The following SLC9A9 variants were observed in gnomAD, a reference collection of about 807,000 sequenced individuals.
SLC9A9 encodes the protein sodium/hydrogen exchanger 9.
A neutral mutation model predicts 77.8 loss-of-function variants in SLC9A9; 62 were observed. The observed-to-expected ratio is 0.80, with a 90% confidence interval of 0.65 to 0.98. SLC9A9 has a LOEUF of 0.98. SLC9A9 is among the 50% of genes least tolerant of loss of function. The probability of loss-of-function intolerance (pLI) is 0.00; values close to 1 mark genes in which losing one functional copy is unlikely to be tolerated. For missense variants in SLC9A9, 775 were observed against 774.9 expected, an observed-to-expected ratio of 1.00 and a Z score of 0.00; for synonymous variants, 320 against 283.5, an observed-to-expected ratio of 1.13 and a Z score of -1.29.
chr3:143,413,540 A>G (rs1445529464), intron 12 of SLC9A9, among the ~76,000 whole-genome samples: 1 of 152,208 alleles, frequency 6.6e-6, no homozygotes, highest in South Asian at 2.1e-4. Flanking sequence ...AAGGGGAGGC[A>G]GCTGGCGGAA....
chr3:143,290,900 A>G (rs2029925516), intron 14 of SLC9A9, among the ~76,000 whole-genome samples: 1 of 152,128 alleles, frequency 6.6e-6, no homozygotes, highest in South Asian at 2.1e-4. Flanking sequence ...TTTGCCTGAC[A>G]CCTCTATGTA....
chr3:143,743,205 A>AGATGGATGGATGGATGGATG (rs34152223), intron 4 of SLC9A9, among the ~76,000 whole-genome samples: 3 of 140,082 alleles, frequency 2.1e-5, no homozygotes, highest in Admixed American at 7.2e-5. Context: ...ATAGATGGAT[A>AGATGGATGGATGGATGGATG]GATGGATGGA....
intron 5 of SLC9A9, among the ~76,000 whole-genome samples, chr3:143,668,091 T>C (rs1039145248): frequency 2.6e-5 from 4 of 152,010 alleles, no homozygotes; most frequent in Admixed American, 2.0e-4. Context: ...CAAATGTCCA[T>C]CAATGATAGA....
At chr3:143,770,083 G>A (rs1474273359) in intron 4 of SLC9A9, among the ~76,000 whole-genome samples, 2 of 151,984 alleles carry the variant, frequency 1.3e-5, no homozygotes, top group African/African-American at 4.8e-5. Flanking sequence ...TGAATAGGAG[G>A]ACTCAACCTC....
intron 6 of SLC9A9, among the ~76,000 whole-genome samples, chr3:143,632,380 T>TG (rs1487150723): frequency 2.6e-5 from 4 of 152,130 alleles, no homozygotes; most frequent in African/African-American, 9.7e-5. Flanking sequence ...CAATTAAGCC[T>TG]GGGGGTCACA....
chr3:143,636,942 C>T (rs2038533319), intron 6 of SLC9A9, among the ~76,000 whole-genome samples: 1 of 152,118 alleles, frequency 6.6e-6, no homozygotes, highest in African/African-American at 2.4e-5. Context: ...CCAAATGACC[C>T]TACCCAACAT....
chr3:143,483,953 C>T (rs1176601579), intron 11 of SLC9A9, among the ~76,000 whole-genome samples: 1 of 152,112 alleles, frequency 6.6e-6, no homozygotes, highest in Non-Finnish European at 1.5e-5. Context: ...CAAGAAAGTG[C>T]ATCAATAAAT....
intron 12 of SLC9A9, among the ~76,000 whole-genome samples, chr3:143,404,507 T>C (rs1195044935): frequency 1.3e-5 from 2 of 152,216 alleles, no homozygotes; most frequent in African/African-American, 4.8e-5. Context: ...ATATTTCTAA[T>C]AGCTGCTTTG....
chr3:143,837,183 T>C (rs1213401385), intron 1 of SLC9A9, among the ~76,000 whole-genome samples: 1 of 152,218 alleles, frequency 6.6e-6, no homozygotes, highest in Admixed American at 6.5e-5. Flanking sequence ...TATAATTGTG[T>C]CCAGACACCA....
intron 6 of SLC9A9, among the ~76,000 whole-genome samples, chr3:143,593,029 A>G (rs989338464): frequency 1.3e-5 from 2 of 152,234 alleles, no homozygotes; most frequent in Non-Finnish European, 2.9e-5. Flanking sequence ...CTTGGAATGC[A>G]TATTCCTTTG....
At chr3:143,622,483 T>C (rs1032313509) in intron 6 of SLC9A9, among the ~76,000 whole-genome samples, 7 of 152,282 alleles carry the variant, frequency 4.6e-5, no homozygotes, top group Admixed American at 2.6e-4. Flanking sequence ...GGAAAAGAAT[T>C]TTCAACCCAG....
chr3:143,622,959 A>C (rs937918139), intron 6 of SLC9A9, among the ~76,000 whole-genome samples: 3 of 152,160 alleles, frequency 2.0e-5, no homozygotes, highest in Middle Eastern at 3.2e-3. Flanking sequence ...GCAGCTGTTG[A>C]AATCCTAGTC....
intron 1 of SLC9A9, among the ~76,000 whole-genome samples, chr3:143,843,301 C>T (rs887705770): frequency 1.3e-5 from 2 of 152,046 alleles, no homozygotes; most frequent in East Asian, 1.9e-4. Flanking sequence ...TCCTGAGGAA[C>T]CTGCAGGGAG....
chr3:143,809,119 T>C (rs1160508465), intron 2 of SLC9A9, among the ~76,000 whole-genome samples: 2 of 152,214 alleles, frequency 1.3e-5, no homozygotes, highest in East Asian at 1.9e-4. Context: ...TAGAGATGTA[T>C]TTCTGAATGC....
chr3:143,846,574 C>T (rs1227596554), intron 1 of SLC9A9, among the ~76,000 whole-genome samples: 1 of 151,954 alleles, frequency 6.6e-6, no homozygotes, highest in Admixed American at 6.5e-5. Flanking sequence ...TCAATACTGG[C>T]TGGGAATGGT....
chr3:143,404,233 G>A (rs1451740582), intron 12 of SLC9A9, among the ~76,000 whole-genome samples: 1 of 151,158 alleles, frequency 6.6e-6, no homozygotes, highest in Non-Finnish European at 1.5e-5. Flanking sequence ...GAGCGCAGTG[G>A]CGTGATCTGA....
At chr3:143,781,977 G>A (rs1285112214) in intron 4 of SLC9A9, among the ~76,000 whole-genome samples, 1 of 152,166 alleles carries the variant, frequency 6.6e-6, no homozygotes, top group African/African-American at 2.4e-5. Context: ...AAATCAGGTT[G>A]AACACCTCCC....
chr3:143,578,790 C>T (rs911299130), intron 6 of SLC9A9, 67 bp from the exon 7 acceptor site: 2 of 1,590,930 alleles, frequency 1.3e-6, no homozygotes, highest in Admixed American at 1.7e-5. Flanking sequence ...GGATTTCGCA[C>T]CCACTTTGGG....
intron 9 of SLC9A9, among the ~76,000 whole-genome samples, chr3:143,500,714 T>G (rs1177914756): frequency 6.6e-6 from 1 of 152,074 alleles, no homozygotes; most frequent in East Asian, 1.9e-4. Flanking sequence ...CTCCCAACAA[T>G]TTTATAGTAT....
Sources: gnomAD v4.1 joint callset for allele counts (sites outside exome capture counted in the v4.1 genomes callset) on GRCh38, gnomAD v4.1.1 for gene constraint, MANE v1.5 for transcripts, NCBI Gene and HGNC (gene_info 2026-07-23, HGNC 2026-07-21) for gene names.